The following ZNF521 variants were observed in gnomAD, a reference collection of about 807,000 sequenced individuals.
The protein encoded by ZNF521 is LYST-interacting protein 3.
In ZNF521, 14 loss-of-function variants were observed where a neutral mutation model predicts 105.5. The ratio of observed to expected loss-of-function variants is 0.13; its 90% CI spans 0.09 to 0.21. ZNF521 has a LOEUF of 0.21. Ranked by LOEUF, ZNF521 falls within the 10% of genes least tolerant of loss-of-function variation. The pLI is 1.00. For missense variants in ZNF521, 1,233 were observed against 1,629.7 expected (o/e 0.76, Z 4.19); for synonymous variants, 635 against 606.0 (o/e 1.05, Z -0.70).
chr18:25,328,147 T>C (rs953200526), intron 2 of ZNF521, among the ~76,000 whole-genome samples: 8 of 152,216 alleles, frequency 5.3e-5, no homozygotes, highest in African/African-American at 1.9e-4. Context: ...GTTCCTTCCT[T>C]TGTCTATAAA....
rs1448986007 is a variant in ZNF521 at position 25,226,016 on chromosome 18, A to G, written c.1902T>C (p.Tyr634=). 1.2e-6 allele frequency: 2 copies of G among 1,614,104 alleles called. No individual in the cohort carries two copies. The highest frequency in any genetic ancestry group is 1.1e-5 in the South Asian group (1 of 91,090). ...GGAPARPTGE[Y]ICNQCGAKYT... ...ACTTAGCACCACATTGATTACAGAT[A>G]TATTCTCCAGTGGGACGTGCAGGTG... Residue 634 remains tyrosine (Y), a synonymous_variant, in exon 4 of 8, where the codon TAT becomes TAC. Transcript: ENST00000361524. This position sits in a 1 kb window ranked among gnomAD's most constrained non-coding sequence, Gnocchi z 4.1.
intron 7 of ZNF521, among the ~76,000 whole-genome samples, chr18:25,077,286 C>T (rs1382703825): frequency 6.6e-6 from 1 of 152,168 alleles, no homozygotes; most frequent in Non-Finnish European, 1.5e-5. Flanking sequence ...CTCTGTTCTG[C>T]CTTCCCGTTC....
chr18:25,123,994 C>T (rs2034492093), intron 5 of ZNF521, among the ~76,000 whole-genome samples: 1 of 152,118 alleles, frequency 6.6e-6, no homozygotes, highest in African/African-American at 2.4e-5. Context: ...TAGAGATATA[C>T]TTGCGGGACT....
At chr18:25,180,367 T>A (rs117748056) in intron 5 of ZNF521, among the ~76,000 whole-genome samples, 2,535 of 152,270 alleles carry the variant, frequency 0.017, 38 homozygotes, top group Non-Finnish European at 0.023. Flanking sequence ...AGCATAACAA[T>A]GCAGTGGTTC....
intron 3 of ZNF521, among the ~76,000 whole-genome samples, chr18:25,306,566 G>C (rs141887910): frequency 6.6e-6 from 1 of 152,198 alleles, no homozygotes; most frequent in African/African-American, 2.4e-5. Context: ...ATTAAACCTT[G>C]TATGTCAAAA....
chr18:25,070,993 T>C (rs1231177663), intron 7 of ZNF521, among the ~76,000 whole-genome samples: 1 of 152,144 alleles, frequency 6.6e-6, no homozygotes, highest in Non-Finnish European at 1.5e-5. Flanking sequence ...GTCTTGTTAT[T>C]GACAGGTTTA....
At chr18:25,116,896 T>A (rs1383054133) in intron 5 of ZNF521, among the ~76,000 whole-genome samples, 2 of 52,218 alleles carry the variant, frequency 3.8e-5, no homozygotes, top group African/African-American at 8.2e-5. Flanking sequence ...TACGTATATA[T>A]ATATGTGTAT....
chr18:25,261,547 A>G (rs1908908804), intron 3 of ZNF521, among the ~76,000 whole-genome samples: 1 of 152,148 alleles, frequency 6.6e-6, no homozygotes, highest in Non-Finnish European at 1.5e-5. Flanking sequence ...AGGAAGAAAA[A>G]CAAAAAGCCA....
intron 4 of ZNF521, among the ~76,000 whole-genome samples, chr18:25,206,974 T>C (rs2036091666): frequency 6.6e-6 from 1 of 152,194 alleles, no homozygotes; most frequent in South Asian, 2.1e-4. Flanking sequence ...TGTATACAAA[T>C]GTGCAAGTGG....
At chr18:25,280,637 T>C (rs548673995) in intron 3 of ZNF521, among the ~76,000 whole-genome samples, 19 of 152,288 alleles carry the variant, frequency 1.2e-4, no homozygotes, top group African/African-American at 4.1e-4. Flanking sequence ...GAAGGGACAG[T>C]AGAGCCCACA....
At chr18:25,281,386 C>T (rs1910370902) in intron 3 of ZNF521, among the ~76,000 whole-genome samples, 1 of 152,202 alleles carries the variant, frequency 6.6e-6, no homozygotes, top group African/African-American at 2.4e-5. Flanking sequence ...TGCTTTCTAA[C>T]TAAAGTACAA....
chr18:25,082,671 A>G, intron 7 of ZNF521: 1 of 413,516 alleles, frequency 2.4e-6, no homozygotes, highest in South Asian at 1.8e-5. Flanking sequence ...CCCCATCTCT[A>G]CTAAAATACA....
intron 5 of ZNF521, among the ~76,000 whole-genome samples, chr18:25,130,304 A>C (rs1156432674): frequency 6.6e-6 from 1 of 152,042 alleles, no homozygotes; most frequent in African/African-American, 2.4e-5. Context: ...TGGAGACAGT[A>C]AAAAAAATAT....
intron 5 of ZNF521, among the ~76,000 whole-genome samples, chr18:25,158,694 C>A (rs540806921): frequency 6.6e-6 from 1 of 152,116 alleles, no homozygotes; most frequent in African/African-American, 2.4e-5. Flanking sequence ...GTGGCTCACA[C>A]CTGTAATCCC....
At chr18:25,312,529 C>CAACTATAGATGATCACTTTGTCTTTGGTA (rs1600292138) in intron 3 of ZNF521, among the ~76,000 whole-genome samples, 11 of 111,312 alleles carry the variant, frequency 9.9e-5, no homozygotes, top group African/African-American at 1.7e-4. Flanking sequence ...AAGTTGGAAC[C>CAACTATAGATGATCACTTTGTCTTTGGTA]AGGCCGGGCG....
At chr18:25,163,945 T>C (rs967227870) in intron 5 of ZNF521, among the ~76,000 whole-genome samples, 1 of 152,222 alleles carries the variant, frequency 6.6e-6, no homozygotes, top group South Asian at 2.1e-4. Flanking sequence ...AAGGAGTATG[T>C]GAGAAAGACA....
rs140417435 is a variant in ZNF521 at position 25,095,031 on chromosome 18, T to C, written c.3659-2950A>G. Among the ~76,000 whole-genome samples, 122 of 152,296 alleles carry C rather than the reference T, an allele frequency of 8.0e-4. No individual in the cohort carries two copies. In the East Asian group the frequency reaches 0.019, roughly 24 times the overall value. On this transcript the variant is annotated intron_variant, in intron 5 of 7. Coordinates refer to ENST00000361524, the MANE Select transcript of ZNF521 (RefSeq NM_015461.3). ...TCTTCTAATTCCATATTTACCTTTG[T>C]ATGGCTGAGAGCCATGTCTGACTTT... is the stretch of plus-strand genomic sequence containing the variant.
intron 3 of ZNF521, among the ~76,000 whole-genome samples, chr18:25,251,061 T>C (rs1908085943): frequency 1.3e-5 from 2 of 152,172 alleles, no homozygotes; most frequent in Admixed American, 1.3e-4. Context: ...TGACAAATAT[T>C]ATTTCCCATG....
At chr18:25,349,781 C>T (rs1914636303) in intron 2 of ZNF521, among the ~76,000 whole-genome samples, 1 of 150,366 alleles carries the variant, frequency 6.7e-6, no homozygotes, top group Non-Finnish European at 1.5e-5. Flanking sequence ...TCGGCGGGAC[C>T]CAGCGGGCCC....
Sources: allele counts gnomAD v4.1 joint callset (sites outside exome capture counted in the v4.1 genomes callset), GRCh38; gene constraint gnomAD v4.1.1; non-coding constraint Gnocchi (gnomAD v3.1); transcripts MANE v1.5; gene names NCBI Gene and HGNC (gene_info 2026-07-23, HGNC 2026-07-21).